Variants in ABCA12 observed in about 807,000 individuals in gnomAD.
The protein encoded by ABCA12 is ATP binding cassette subfamily A member 12.
Under a neutral mutation model 293.5 loss-of-function variants are expected in ABCA12, and 156 were observed. That is an observed-to-expected ratio of 0.53 (90% confidence interval 0.47 to 0.61). The LOEUF (loss-of-function observed/expected upper bound fraction) is 0.61, where lower values mean the gene tolerates loss of function less well. Among genes scored for constraint, ABCA12 ranks in the 20% least tolerant of loss-of-function variants. ABCA12 has a pLI of 0.00. For missense variants in ABCA12, 2,797 were observed against 3,090.2 expected, an observed-to-expected ratio of 0.91 and a Z score of 2.25; for synonymous variants, 1,063 against 1,108.0, an observed-to-expected ratio of 0.96 and a Z score of 0.81.
intron 2 of ABCA12, among the ~76,000 whole-genome samples, chr2:215,065,326 A>AAAAAAAAG (rs1701621107): frequency 7.9e-6 from 1 of 126,582 alleles, no homozygotes; most frequent in African/African-American, 2.8e-5. Context: ...AAAAAAAAAA[A>AAAAAAAAG]GAGTGCCCGT....
intron 1 of ABCA12, among the ~76,000 whole-genome samples, chr2:215,127,759 T>C (rs935870800): frequency 9.9e-5 from 15 of 152,220 alleles, no homozygotes; most frequent in Admixed American, 9.8e-4. Context: ...TCTATATCTT[T>C]TAAGTGCATC....
intron 2 of ABCA12, among the ~76,000 whole-genome samples, chr2:215,084,160 T>C (rs1441018680): frequency 6.6e-6 from 1 of 152,058 alleles, no homozygotes; most frequent in Non-Finnish European, 1.5e-5. Context: ...TTTGTTTGTT[T>C]TGTTTTGTGT....
At chr2:214,972,030 T>C (rs1262282362) in intron 36 of ABCA12, among the ~76,000 whole-genome samples, 2 of 152,176 alleles carry the variant, frequency 1.3e-5, no homozygotes, top group African/African-American at 2.4e-5. Flanking sequence ...TTATTGGCCA[T>C]TTGGATATGC....
intron 38 of ABCA12, 102 bp from the exon 39 acceptor site, chr2:214,967,055 C>A: frequency 1.1e-6 from 1 of 917,266 alleles, no homozygotes; most frequent in South Asian, 1.4e-5. Context: ...ATAAGAGCAT[C>A]AATTTTCCAA....
At chr2:214,955,727 TA>T in intron 42 of ABCA12, among the ~76,000 whole-genome samples, 1 of 152,262 alleles carries the variant, frequency 6.6e-6, no homozygotes, top group Non-Finnish European at 1.5e-5. Context: ...GCTTCCAAAG[TA>T]AAAATAACCA....
Position 214,972,628 on chromosome 2 carries a change from G to A in ABCA12, c.5562+1321C>T, listed in dbSNP as rs761810135. On this transcript the variant is annotated intron_variant, in intron 36 of 52. Transcript: ENST00000272895. ...TCACTGTGTTGCCCAAGCTGGTCTCGAACTCCTGGGCTCAAGCAATCCTCC... is the reference window on the plus strand; with the variant it reads ...TCACTGTGTTGCCCAAGCTGGTCTCAAACTCCTGGGCTCAAGCAATCCTCC... 2.0e-5 allele frequency among the ~76,000 whole-genome samples: 3 copies of A among 151,964 alleles called. No individual in the cohort carries two copies. The East Asian group carries it at 5.8e-4, about 29-fold the overall frequency.
rs758166174 is a variant in ABCA12, at chr2:214,959,023, C to T, written c.5939+1G>A. ...TAGTCATGCTAGAGATATCTGCTTA[C>T]GTGGCTTGTTCTTGGTCTTGCACTC... On this transcript the variant is annotated splice_donor_variant, in intron 40 of 52. Coordinates refer to ENST00000272895, the MANE Select transcript of ABCA12 (RefSeq NM_173076.3). LOFTEE classifies it high-confidence loss of function. 3.7e-6 allele frequency: 6 copies of T among 1,613,598 alleles called. No homozygotes were observed. Among genetic ancestry groups the T allele is most frequent in the Admixed American group, 3.3e-5 (2 of 59,998 alleles).
In ABCA12 at chr2:214,980,479, C is replaced by T; in HGVS notation, c.4740+4G>A. 6.2e-7 allele frequency: 1 copy of T among 1,613,304 alleles called. No homozygotes were observed. Among genetic ancestry groups the T allele is most frequent in the South Asian group, 1.1e-5 (1 of 91,036 alleles). The stretch of plus-strand genomic sequence containing the variant: ...TAATGAGATATATTTTCTCCCATTC[C>T]TACCTTCTTCTTGGTAAGCGTGAGG... On this transcript the variant is annotated splice_donor_region_variant and intron_variant, in intron 31 of 52. Transcript: ENST00000272895.
chr2:214,947,086 G>A (rs1270567909), intron 48 of ABCA12, among the ~76,000 whole-genome samples: 1 of 152,104 alleles, frequency 6.6e-6, no homozygotes, highest in Non-Finnish European at 1.5e-5. Flanking sequence ...TCTTCAATAG[G>A]TGGGAATCAG....
intron 19 of ABCA12, among the ~76,000 whole-genome samples, chr2:215,005,306 A>G (rs1700229350): frequency 6.6e-6 from 1 of 152,220 alleles, no homozygotes; most frequent in South Asian, 2.1e-4. Context: ...GTGTAAATTC[A>G]TGGCCTGGTT....
At chr2:215,017,237 G>A (rs1485706055) in intron 14 of ABCA12, among the ~76,000 whole-genome samples, 4 of 152,162 alleles carry the variant, frequency 2.6e-5, no homozygotes, top group African/African-American at 7.2e-5. Flanking sequence ...CACACATAAG[G>A]TTTGAATGGA....
intron 6 of ABCA12, among the ~76,000 whole-genome samples, chr2:215,046,489 A>C (rs1701205258): frequency 6.8e-6 from 1 of 147,636 alleles, no homozygotes; most frequent in South Asian, 2.1e-4. Context: ...AATATAATAT[A>C]ATATAATATA....
Position 215,049,918 on chromosome 2 carries a change from G to A in ABCA12, c.508-107C>T, listed in dbSNP as rs1042169368. Reference sequence around the variant, plus strand: ...GCTGTCTTCAAAATAGCCATTTTGAGGTCCTCCATTATAGCAGCTATTAAA... The same window carrying A: ...GCTGTCTTCAAAATAGCCATTTTGAAGTCCTCCATTATAGCAGCTATTAAA... On this transcript the variant is annotated intron_variant, in intron 5 of 52. Coordinates refer to ENST00000272895, the MANE Select transcript of ABCA12 (RefSeq NM_173076.3). The A allele has an allele frequency of 2.0e-5, 20 of 998,792 alleles. No homozygotes were observed. The African/African-American group carries it at 2.8e-4, about 14-fold the overall frequency. 61.9% of individuals were successfully genotyped at this position (998,792 alleles called of 1,614,324 possible).
At position 214,970,177 on chromosome 2, in the gene ABCA12, T is replaced by C; in HGVS notation, c.5690+96A>G. 4.0e-6 allele frequency: 5 copies of C among 1,262,296 alleles called. No homozygotes were observed. In the Admixed American group the frequency reaches 1.0e-4, roughly 26 times the overall value. 78.2% of individuals were successfully genotyped at this position (1,262,296 alleles called of 1,614,324 possible). On this transcript the variant is annotated intron_variant, in intron 37 of 52. Transcript: ENST00000272895. The stretch of plus-strand genomic sequence containing the variant: ...AAACTGAGAATTTAACCATGTAAAA[T>C]GTAAACAATAGAAATTTGTATCTAT...
intron 49 of ABCA12, 69 bp from the exon 50 acceptor site, chr2:214,943,086 A>G (rs1698458802): frequency 2.5e-6 from 3 of 1,198,614 alleles, no homozygotes; most frequent in Non-Finnish European, 2.5e-6. Context: ...TCATGAGCAT[A>G]AGCATAATTG....
At position 215,138,179 on chromosome 2, in the gene ABCA12, G is replaced by T. The variant is rs1173426695; in HGVS notation, c.30C>A (p.Ile10=). The change falls in exon 1 of 53, where the codon ATC becomes ATA. Residue 10 remains isoleucine, a synonymous_variant. Coordinates refer to ENST00000272895, the MANE Select transcript of ABCA12 (RefSeq NM_173076.3). ...CACCTAGCCAATTTTTCCAGACCAG[G>T]ATCTGAAGCTGATGAAACAGGGAAG... is the stretch of plus-strand genomic sequence containing the variant. MASLFHQLQ[I]LVWKNWLGVK... 10 of 1,613,956 alleles carry T rather than the reference G, an allele frequency of 6.2e-6. No homozygotes were observed. In the South Asian group the frequency reaches 1.1e-4, roughly 18 times the overall value.
chr2:214,980,664 C>T, intron 30 of ABCA12, 21 bp from the exon 31 acceptor site: 1 of 1,613,928 alleles, frequency 6.2e-7, no homozygotes, highest in Non-Finnish European at 8.5e-7. Flanking sequence ...CAGACAAGAA[C>T]AACAGGGAAT....
At chr2:215,109,587 G>A (rs1411452164) in intron 2 of ABCA12, among the ~76,000 whole-genome samples, 4 of 152,088 alleles carry the variant, frequency 2.6e-5, no homozygotes, top group Admixed American at 1.3e-4. Context: ...TAGGTCCATA[G>A]CAAAAAGTTA....
chr2:214,982,987 C>T (rs1001685930), intron 29 of ABCA12, among the ~76,000 whole-genome samples: 2 of 152,102 alleles, frequency 1.3e-5, no homozygotes, highest in African/African-American at 4.8e-5. Flanking sequence ...GGAAAGCGGT[C>T]ATTTGACCAA....
Sources: gnomAD v4.1 joint callset for allele counts (sites outside exome capture counted in the v4.1 genomes callset) on GRCh38, gnomAD v4.1.1 for gene constraint, MANE v1.5 for transcripts, NCBI Gene and HGNC (gene_info 2026-07-23, HGNC 2026-07-21) for gene names.